MAGI3: variants seen among roughly 807,000 people sequenced by gnomAD.
MAGI3 encodes membrane associated guanylate kinase, WW and PDZ domain containing 3.
A neutral mutation model predicts 121.8 loss-of-function variants in MAGI3; 43 were observed. The observed-to-expected ratio is 0.35, with a 90% CI of 0.28 to 0.46. MAGI3 has a LOEUF of 0.46. Ranked by LOEUF, MAGI3 falls within the 20% of genes least tolerant of loss-of-function variation. The pLI, the probability that MAGI3 is intolerant of heterozygous loss-of-function variation, is 1.00. For synonymous variants in MAGI3, 553 were observed against 639.3 expected (o/e 0.86, Z 2.04); for missense variants, 1,547 against 1,797.3 (o/e 0.86, Z 2.52).
At chr1:113,533,848 T>C (rs1180564688) in intron 1 of MAGI3, among the ~76,000 whole-genome samples, 1 of 151,932 alleles carries the variant, frequency 6.6e-6, no homozygotes, top group Non-Finnish European at 1.5e-5. Context: ...AATTTGTCTT[T>C]ATGATGCTGT....
intron 9 of MAGI3, among the ~76,000 whole-genome samples, chr1:113,641,441 G>A (rs1652527208): frequency 6.6e-6 from 1 of 151,326 alleles, no homozygotes; most frequent in African/African-American, 2.4e-5. Context: ...GTTAAGGACA[G>A]CGTCTTTTTC....
intron 7 of MAGI3, among the ~76,000 whole-genome samples, chr1:113,616,615 A>T (rs1650486121): frequency 6.6e-6 from 1 of 152,186 alleles, no homozygotes; most frequent in Non-Finnish European, 1.5e-5. Flanking sequence ...TTTAAAATAA[A>T]ATTTTTCCAA....
intron 1 of MAGI3, among the ~76,000 whole-genome samples, chr1:113,455,282 G>C (rs545607966): frequency 1.3e-5 from 2 of 152,230 alleles, no homozygotes; most frequent in South Asian, 4.1e-4. Context: ...AATAGTGTGA[G>C]AGACTGCTAT....
At position 113,539,096 on chromosome 1, in the gene MAGI3, GAA is replaced by G. The variant is rs541965442; in HGVS notation, c.317-10414_317-10413del. 5.3e-3 allele frequency among the ~76,000 whole-genome samples: 807 copies of G among 152,074 alleles called. 4 individuals are homozygous for G. Among genetic ancestry groups the G allele is most frequent in the African/African-American group, 0.019 (778 of 41,492 alleles). On this transcript the variant is annotated intron_variant, in intron 1 of 20. Transcript: ENST00000307546. ...AGCTATGAAGAAAAATGTTTTTAAA[GAA>G]AAAAGTTTATTTAAGGCCGGATGTG...
chr1:113,621,523 G>A (rs1650819538), intron 8 of MAGI3, among the ~76,000 whole-genome samples: 1 of 151,938 alleles, frequency 6.6e-6, no homozygotes, highest in Non-Finnish European at 1.5e-5. Context: ...AGTAACTGCT[G>A]GAATTCCACT....
intron 1 of MAGI3, among the ~76,000 whole-genome samples, chr1:113,505,515 T>TAAATAAAC (rs1657278821): frequency 7.2e-6 from 1 of 138,520 alleles, no homozygotes. Context: ...CCCTACATAA[T>TAAATAAAC]AAATAAATAA....
At chr1:113,414,450 C>T (rs1011816773) in intron 1 of MAGI3, among the ~76,000 whole-genome samples, 4 of 151,954 alleles carry the variant, frequency 2.6e-5, no homozygotes, top group Non-Finnish European at 5.9e-5. Context: ...TCAGAAGGAA[C>T]GGTATTAGCT....
At chr1:113,571,250 A>G (rs995059354) in intron 2 of MAGI3, among the ~76,000 whole-genome samples, 25 of 152,126 alleles carry the variant, frequency 1.6e-4, no homozygotes, top group Non-Finnish European at 3.2e-4. Flanking sequence ...CCATTGTTCT[A>G]TGTATCGGTT....
At chr1:113,633,073 T>G (rs1240233528) in intron 9 of MAGI3, among the ~76,000 whole-genome samples, 1 of 99,806 alleles carries the variant, frequency 1.0e-5, no homozygotes. Flanking sequence ...CCCACAGCAG[T>G]CCCCAGAGTG....
intron 6 of MAGI3, among the ~76,000 whole-genome samples, chr1:113,608,605 AG>A (rs1377130509): frequency 1.3e-5 from 2 of 152,218 alleles, no homozygotes; most frequent in Non-Finnish European, 2.9e-5. Flanking sequence ...CTCTGCAGGC[AG>A]GCTGTTAACC....
At chr1:113,639,474 T>A (rs1194599586) in intron 9 of MAGI3, among the ~76,000 whole-genome samples, 2 of 152,228 alleles carry the variant, frequency 1.3e-5, no homozygotes, top group Non-Finnish European at 2.9e-5. Context: ...GAATCTCGGC[T>A]CATTGCAACC....
chr1:113,591,287 T>C (rs950040104), intron 5 of MAGI3, among the ~76,000 whole-genome samples: 5 of 152,174 alleles, frequency 3.3e-5, no homozygotes, highest in African/African-American at 1.2e-4. Context: ...AAATAATTAT[T>C]GGAAGTTTTA....
chr1:113,539,708 A>C (rs1289279541), intron 1 of MAGI3, among the ~76,000 whole-genome samples: 2 of 152,066 alleles, frequency 1.3e-5, no homozygotes. Context: ...ATTCATACCA[A>C]ATATTTTATT....
chr1:113,524,314 A>G (rs566507946), intron 1 of MAGI3, among the ~76,000 whole-genome samples: 3 of 152,130 alleles, frequency 2.0e-5, no homozygotes, highest in Admixed American at 2.0e-4. Flanking sequence ...GAAGAGGGCC[A>G]CCATCCTCCA....
chr1:113,609,521 C>T (rs1649993725), intron 6 of MAGI3, among the ~76,000 whole-genome samples: 1 of 152,136 alleles, frequency 6.6e-6, no homozygotes, highest in Non-Finnish European at 1.5e-5. Flanking sequence ...GAAAATACAA[C>T]ATTAGGAATT....
chr1:113,391,153 C>G lies in MAGI3; in HGVS notation c.120C>G (p.Gly40=). Residue 40 remains glycine, a synonymous_variant, in exon 1 of 21, where the codon GGC becomes GGG. Coordinates refer to ENST00000307546, the MANE Select transcript of MAGI3 (RefSeq NM_001142782.2). The surrounding 1 kb of genome is among the most constrained non-coding windows in gnomAD (Gnocchi z 4.4). The stretch of plus-strand genomic sequence containing the variant: ...AGATCCGCGGTGGCGCGGAGCGTGG[C>G]GAGTTCCCCTACCTGGGGCGGCTCC... ...GAEIRGGAER[G]EFPYLGRLRE... is the part of the protein sequence containing the mutation. The G allele has an allele frequency of 6.4e-7, 1 of 1,560,212 alleles. No individual in the cohort carries two copies. Among genetic ancestry groups the G allele is most frequent in the Non-Finnish European group, 8.7e-7 (1 of 1,152,764 alleles).
At chr1:113,660,952 A>C (rs1653758197) in intron 16 of MAGI3, among the ~76,000 whole-genome samples, 1 of 151,990 alleles carries the variant, frequency 6.6e-6, no homozygotes, top group Admixed American at 6.6e-5. Context: ...GAGTGAACAA[A>C]GTAAAAGTTA....
intron 6 of MAGI3, among the ~76,000 whole-genome samples, chr1:113,614,095 A>C (rs1650317654): frequency 6.6e-6 from 1 of 152,166 alleles, no homozygotes; most frequent in Admixed American, 6.5e-5. Context: ...CTTGTTCACC[A>C]AGAGAAAGCA....
At chr1:113,443,120 G>A (rs191960271) in intron 1 of MAGI3, among the ~76,000 whole-genome samples, 14 of 152,134 alleles carry the variant, frequency 9.2e-5, no homozygotes, top group East Asian at 1.9e-4. Flanking sequence ...AAATTAAAAC[G>A]AATTATTCTG....
Sources: gnomAD v4.1 joint callset for allele counts (sites outside exome capture counted in the v4.1 genomes callset) on GRCh38, gnomAD v4.1.1 for gene constraint, Gnocchi (gnomAD v3.1) non-coding constraint, MANE v1.5 for transcripts, NCBI Gene and HGNC (gene_info 2026-07-23, HGNC 2026-07-21) for gene names.